Variants in MTMR10 observed in about 807,000 individuals in gnomAD.
MTMR10 encodes myotubularin-related protein 10.
A neutral mutation model predicts 88.1 loss-of-function variants in MTMR10; 56 were observed. The observed-to-expected ratio is 0.64, with a 90% CI of 0.51 to 0.79. The LOEUF is 0.79. MTMR10 is among the 30% of genes least tolerant of loss of function. The pLI is 0.00. For missense variants in MTMR10, 883 were observed against 924.7 expected, an observed-to-expected ratio of 0.95 and a Z score of 0.58; for synonymous variants, 380 against 340.9, an observed-to-expected ratio of 1.11 and a Z score of -1.26.
chr15:30,965,849 T>A (rs1447409682), intron 6 of MTMR10: 1 of 328,600 alleles, frequency 3.0e-6, no homozygotes, highest in Non-Finnish European at 6.1e-6. Context: ...TTGGATCTTA[T>A]TTGTGGAAAC....
At chr15:30,928,539 T>TGC in the MTMR10 span, 1 of 1,611,294 alleles carries the variant, frequency 6.2e-7, no homozygotes, top group East Asian at 2.2e-5. Flanking sequence ...TGTGTGTGTG[T>TGC]GACCTTGTCT....
chr15:30,985,071 G>A (rs1032109302), intron 2 of MTMR10, among the ~76,000 whole-genome samples: 6 of 152,112 alleles, frequency 3.9e-5, no homozygotes, highest in South Asian at 2.1e-4. Context: ...ATTCATTATC[G>A]TTAGTCTTGG....
chr15:30,989,500 C>T (rs923973895), intron 2 of MTMR10, among the ~76,000 whole-genome samples: 2 of 151,712 alleles, frequency 1.3e-5, no homozygotes, highest in South Asian at 4.1e-4. Flanking sequence ...CTACAAAATT[C>T]TAATTATTTT....
At chr15:30,925,648 C>T in the MTMR10 span, 13 of 960,008 alleles carry the variant, frequency 1.4e-5, no homozygotes, top group Admixed American at 8.4e-5. Context: ...CGCAGTTCTG[C>T]GTGTGTGAGC....
intron 9 of MTMR10, among the ~76,000 whole-genome samples, chr15:30,956,959 C>G (rs1159022971): frequency 6.6e-6 from 1 of 152,140 alleles, no homozygotes; most frequent in Non-Finnish European, 1.5e-5. Context: ...AGAATACGGA[C>G]TCGTGTGAAC....
the MTMR10 span, among the ~76,000 whole-genome samples, chr15:30,919,643 C>T: frequency 2.0e-5 from 3 of 149,134 alleles, no homozygotes; most frequent in East Asian, 2.0e-4. Context: ...GAGCTGAGAT[C>T]GCACCACTGT....
chr15:30,924,022 C>T, the MTMR10 span, among the ~76,000 whole-genome samples: 29,894 of 152,118 alleles, frequency 0.2, 3,984 homozygotes, highest in Non-Finnish European at 0.29. Context: ...GCCCTGGCGA[C>T]GACGTCTCAT....
chr15:30,935,149 G>A (rs1404060238), downstream of MTMR10, among the ~76,000 whole-genome samples: 2 of 151,732 alleles, frequency 1.3e-5, no homozygotes, highest in South Asian at 2.1e-4. Context: ...TCTACAAAAC[G>A]ATAAACAAAT....
At chr15:30,938,920 G>T, downstream of MTMR10, 2 of 985,260 alleles carry the variant, frequency 2.0e-6, no homozygotes, top group Non-Finnish European at 2.4e-6. Flanking sequence ...TCCAGTAGAT[G>T]ATTTCATACT....
chr15:30,933,714 AAT>A, the MTMR10 span, among the ~76,000 whole-genome samples: 1 of 150,626 alleles, frequency 6.6e-6, no homozygotes, highest in Admixed American at 6.6e-5. Flanking sequence ...TTATTGAGAG[AAT>A]ATTGATATCT....
intron 9 of MTMR10, 68 bp downstream of exon 9, chr15:30,958,795 T>C: frequency 6.7e-7 from 1 of 1,501,450 alleles, no homozygotes; most frequent in Non-Finnish European, 9.3e-7. Context: ...TTTCAATTAG[T>C]AGGGAACTCA....
intron 14 of MTMR10, chr15:30,943,944 CAGACA>C (rs759731610): frequency 2.6e-5 from 26 of 985,272 alleles, no homozygotes; most frequent in Non-Finnish European, 2.9e-5. Flanking sequence ...GAAATAACTC[CAGACA>C]CAAAGTCGCT....
Position 30,941,353 on chromosome 15 carries a change from T to G in MTMR10, c.*117A>C, listed in dbSNP as rs1053124285. 11 of 1,536,646 alleles carry G rather than the reference T, an allele frequency of 7.2e-6. No individual in the cohort carries two copies. The Admixed American group carries it at 2.0e-4, about 28-fold the overall frequency. On this transcript the variant is annotated 3_prime_UTR_variant, in exon 16 of 16. Transcript: ENST00000435680. Reference sequence around the variant, plus strand: ...CATGTTTTTAAATATTAGTGCAAATTCCAACTATTATTCTTACATATAAAG... The same window carrying G: ...CATGTTTTTAAATATTAGTGCAAATGCCAACTATTATTCTTACATATAAAG...
chr15:30,923,192 T>C, the MTMR10 span, among the ~76,000 whole-genome samples: 1 of 152,164 alleles, frequency 6.6e-6, no homozygotes, highest in Non-Finnish European at 1.5e-5. Context: ...ACTGAAAAAG[T>C]GCCTTGTTAC....
At chr15:30,942,758 G>T in intron 15 of MTMR10, 132 bp downstream of exon 15, 1 of 925,496 alleles carries the variant, frequency 1.1e-6, no homozygotes, top group Non-Finnish European at 1.6e-6. Flanking sequence ...GTTAAAAAGG[G>T]AATGACCCCT....
rs538133762 is a variant in MTMR10, at chr15:30,940,718, A to T, written c.*752T>A. On this transcript the variant is annotated 3_prime_UTR_variant, in exon 16 of 16. Transcript: ENST00000435680. The stretch of plus-strand genomic sequence containing the variant: ...CTGGGGACTCCTGGCTATGAAGCTT[A>T]GTATGAAAAGCCTATTTCAAATATG... 2.2e-5 allele frequency: 22 copies of T among 988,872 alleles called. No homozygotes were observed. The African/African-American group carries it at 3.8e-4, about 17-fold the overall frequency. 61.3% of individuals were successfully genotyped at this position (988,872 alleles called of 1,614,324 possible). A position where few individuals can be genotyped will look rare whatever the true frequency, so the allele number is the denominator to read the frequency against.
chr15:30,947,401 GA>G, intron 13 of MTMR10, 101 bp from the exon 14 acceptor site: 1 of 1,347,504 alleles, frequency 7.4e-7, no homozygotes, highest in Non-Finnish European at 1.0e-6. Flanking sequence ...AGATGAATGA[GA>G]AAACATCGAA....
At chr15:30,985,379 A>G (rs1284125452) in intron 2 of MTMR10, among the ~76,000 whole-genome samples, 2 of 152,244 alleles carry the variant, frequency 1.3e-5, no homozygotes, top group African/African-American at 2.4e-5. Context: ...AACTCCCTCT[A>G]GGCTGACATC....
At chr15:30,927,089 A>C in the MTMR10 span, 4 of 950,634 alleles carry the variant, frequency 4.2e-6, no homozygotes, top group African/African-American at 7.1e-5. Flanking sequence ...AGACAGGAGG[A>C]TCACTTGAAC....
Sources: allele counts gnomAD v4.1 joint callset (sites outside exome capture counted in the v4.1 genomes callset), GRCh38; gene constraint gnomAD v4.1.1; transcripts MANE v1.5; gene names NCBI Gene and HGNC (gene_info 2026-07-23, HGNC 2026-07-21).